The following NXN variants were observed in gnomAD, a reference collection of about 807,000 sequenced individuals.
NXN encodes the protein nucleoredoxin 1.
A neutral mutation model predicts 48.6 loss-of-function variants in NXN; 16 were observed. The observed-to-expected ratio is 0.33, with a 90% CI of 0.22 to 0.50. NXN has a LOEUF of 0.50. Ranked by LOEUF, NXN falls within the 20% of genes least tolerant of loss-of-function variation. The pLI is 0.98. For missense variants in NXN, 492 were observed against 605.5 expected (o/e 0.81, Z 1.97); for synonymous variants, 281 against 269.6 (o/e 1.04, Z -0.41).
At chr17:857,145 C>T (rs759425106) in intron 1 of NXN, among the ~76,000 whole-genome samples, 3 of 152,162 alleles carry the variant, frequency 2.0e-5, no homozygotes, top group South Asian at 2.1e-4. Flanking sequence ...GGGTGGAAGT[C>T]GAAAGTCAGG....
chr17:969,137 C>A (rs1028004312), intron 1 of NXN, among the ~76,000 whole-genome samples: 2 of 152,080 alleles, frequency 1.3e-5, no homozygotes, highest in African/African-American at 4.8e-5. Flanking sequence ...GAATGAATAC[C>A]GAAGCGCCTG....
At chr17:804,088 A>G in intron 6 of NXN, 1 of 374,590 alleles carries the variant, frequency 2.7e-6, no homozygotes, top group South Asian at 3.9e-5. Context: ...CAGTCTTCCC[A>G]TTGAATTCCT....
chr17:961,975 G>A (rs1364491171), intron 1 of NXN, among the ~76,000 whole-genome samples: 3 of 151,888 alleles, frequency 2.0e-5, no homozygotes, highest in African/African-American at 7.3e-5. Context: ...TTTCTACCAA[G>A]AACACAAAAA....
At chr17:848,421 G>A (rs28606610) in intron 1 of NXN, among the ~76,000 whole-genome samples, 6 of 152,330 alleles carry the variant, frequency 3.9e-5, no homozygotes, top group African/African-American at 9.6e-5. Flanking sequence ...GATTACAGGC[G>A]TGAGCCACTG....
At chr17:821,771 A>G (rs891411832) in intron 4 of NXN, among the ~76,000 whole-genome samples, 1 of 151,648 alleles carries the variant, frequency 6.6e-6, no homozygotes, top group African/African-American at 2.4e-5. Context: ...CAAAAAACAA[A>G]AAACAGCCAT....
At chr17:973,964 C>T (rs1238799058) in intron 1 of NXN, among the ~76,000 whole-genome samples, 1 of 151,802 alleles carries the variant, frequency 6.6e-6, no homozygotes, top group Non-Finnish European at 1.5e-5. Flanking sequence ...CAGGCGTGAG[C>T]CACAGTGCCC....
chr17:905,969 C>A (rs1477508746), intron 1 of NXN, among the ~76,000 whole-genome samples: 3 of 139,260 alleles, frequency 2.2e-5, no homozygotes, highest in Non-Finnish European at 4.7e-5. Flanking sequence ...AGAGTGAGAC[C>A]TTGTCTCAAA....
In NXN at chr17:838,985, G is replaced by A. The variant is rs569004331; in HGVS notation, c.361-12907C>T. On this transcript the variant is annotated intron_variant, in intron 1 of 7. Coordinates refer to ENST00000336868, the MANE Select transcript of NXN (RefSeq NM_022463.5). ...CCAGGCTGCCTGGGTTCAAATCCCC[G>A]CTCTGCTATGAACCACCAGGGGAAC... 5.3e-5 allele frequency among the ~76,000 whole-genome samples: 8 copies of A among 152,240 alleles called. No individual in the cohort carries two copies. In the East Asian group the frequency reaches 1.2e-3, roughly 22 times the overall value.
intron 2 of NXN, among the ~76,000 whole-genome samples, chr17:824,947 G>A (rs1273504520): frequency 6.6e-6 from 1 of 152,162 alleles, no homozygotes; most frequent in African/African-American, 2.4e-5. Flanking sequence ...ATCCACACGG[G>A]GACCAGGCTC....
chr17:943,797 C>G (rs1211106080), intron 1 of NXN, among the ~76,000 whole-genome samples: 2 of 151,312 alleles, frequency 1.3e-5, no homozygotes, highest in Non-Finnish European at 2.9e-5. Context: ...TGCACTCCAG[C>G]CTGAGTGACA....
intron 1 of NXN, among the ~76,000 whole-genome samples, chr17:910,281 G>A (rs550332353): frequency 4.6e-5 from 7 of 152,090 alleles, no homozygotes; most frequent in Admixed American, 2.0e-4. Flanking sequence ...GCGTGGTGGC[G>A]GGCACTTGTA....
At chr17:815,598 G>A (rs12942001) in intron 5 of NXN, among the ~76,000 whole-genome samples, 4 of 143,156 alleles carry the variant, frequency 2.8e-5, no homozygotes, top group Admixed American at 7.0e-5. Context: ...TGATGAGGGC[G>A]AGTGTCCACT....
At chr17:971,738 A>G (rs1408339181) in intron 1 of NXN, among the ~76,000 whole-genome samples, 2 of 152,144 alleles carry the variant, frequency 1.3e-5, no homozygotes, top group Admixed American at 1.3e-4. Flanking sequence ...CAGGATTCAC[A>G]AAGATTCCAA....
chr17:905,500 T>C (rs906937238), intron 1 of NXN, among the ~76,000 whole-genome samples: 1 of 152,190 alleles, frequency 6.6e-6, no homozygotes. Flanking sequence ...TAAAGCAACC[T>C]GCTGCCCCAA....
intron 1 of NXN, among the ~76,000 whole-genome samples, chr17:871,391 C>A (rs537263626): frequency 6.9e-6 from 1 of 144,856 alleles, no homozygotes; most frequent in Middle Eastern, 3.3e-3. Flanking sequence ...TCGCAGCATA[C>A]GCATTCACTT....
intron 1 of NXN, among the ~76,000 whole-genome samples, chr17:853,702 C>CATATATATATATATATATATATATATAT (rs571601948): frequency 2.5e-5 from 3 of 119,300 alleles, no homozygotes; most frequent in African/African-American, 1.1e-4. Context: ...CTGTTATACA[C>CATATATATATATATATATATATATATAT]ATATATATAT....
At chr17:962,133 CAAGAA>C (rs371254483) in intron 1 of NXN, among the ~76,000 whole-genome samples, 2 of 152,024 alleles carry the variant, frequency 1.3e-5, no homozygotes, top group African/African-American at 4.8e-5. Flanking sequence ...GATTCTGTCT[CAAGAA>C]AAGAAGAAAA....
intron 1 of NXN, among the ~76,000 whole-genome samples, chr17:930,774 CTTT>C (rs66910992): frequency 5.6e-5 from 8 of 142,396 alleles, no homozygotes; most frequent in Non-Finnish European, 9.1e-5. Flanking sequence ...GTTGAGTTTG[CTTT>C]TTTTTTTTTT....
At chr17:974,026 T>C (rs2069424045) in intron 1 of NXN, among the ~76,000 whole-genome samples, 1 of 151,820 alleles carries the variant, frequency 6.6e-6, no homozygotes, top group African/African-American at 2.4e-5. Context: ...CCTTGTATGC[T>C]TGTAAAAGTC....
Sources: allele counts gnomAD v4.1 joint callset (sites outside exome capture counted in the v4.1 genomes callset), GRCh38; gene constraint gnomAD v4.1.1; transcripts MANE v1.5; gene names NCBI Gene and HGNC (gene_info 2026-07-23, HGNC 2026-07-21).